PRKCZ: variants seen among roughly 807,000 people sequenced by gnomAD.
PRKCZ encodes protein kinase C zeta, also known as protein kinase C zeta type.
A neutral mutation model predicts 79.5 loss-of-function variants in PRKCZ; 33 were observed. That is an observed-to-expected ratio of 0.41 (90% CI 0.31 to 0.55). The LOEUF is 0.55. Ranked by LOEUF, PRKCZ falls within the 20% of genes least tolerant of loss-of-function variation. The probability of loss-of-function intolerance (pLI) is 0.19; values close to 1 mark genes in which losing one functional copy is unlikely to be tolerated. For missense variants in PRKCZ, 578 were observed against 813.5 expected (o/e 0.71, Z 3.52); for synonymous variants, 342 against 320.9 (o/e 1.07, Z -0.70).
chr1:2,169,053 C>T (rs748803315), intron 10 of PRKCZ: 3 of 428,852 alleles, frequency 7.0e-6, no homozygotes, highest in East Asian at 7.2e-5. Context: ...CTTGGAGGGC[C>T]GGTGGACTCC....
At chr1:2,111,965 C>T (rs1669823022) in intron 4 of PRKCZ, 1 of 152,228 alleles carries the variant, frequency 6.6e-6, no homozygotes, top group African/African-American at 2.4e-5. Context: ...TGCCGTGTGC[C>T]AGCCTCCCAG....
chr1:2,095,583 G>C (rs1436712846), intron 4 of PRKCZ, among the ~76,000 whole-genome samples: 2 of 152,056 alleles, frequency 1.3e-5, no homozygotes, highest in African/African-American at 2.4e-5. Flanking sequence ...CGTCAGATGC[G>C]TGCGTCCTGC....
At chr1:2,143,906 G>A (rs1677931713) in intron 5 of PRKCZ, 2 of 292,290 alleles carry the variant, frequency 6.8e-6, no homozygotes, top group Non-Finnish European at 1.3e-5. Flanking sequence ...TGCAAGCCAC[G>A]GGGCCTTGCC....
At chr1:2,144,174 T>C (rs943058071) in intron 5 of PRKCZ, 36 bp from the exon 6 acceptor site, 224 of 1,545,954 alleles carry the variant, frequency 1.4e-4, no homozygotes, top group South Asian at 2.3e-4. Context: ...GGCCCCTCAG[T>C]GTGGCCTGGG....
At chr1:2,071,751 G>A (rs1380779461) in intron 4 of PRKCZ, among the ~76,000 whole-genome samples, 1 of 152,180 alleles carries the variant, frequency 6.6e-6, no homozygotes, top group African/African-American at 2.4e-5. Flanking sequence ...ACTGGACCAG[G>A]ATAAATGCGT....
intron 9 of PRKCZ, among the ~76,000 whole-genome samples, chr1:2,153,110 G>A (rs1680231904): frequency 1.3e-5 from 2 of 152,216 alleles, no homozygotes; most frequent in Admixed American, 6.5e-5. Context: ...AACACCACAC[G>A]GGCCTGTTTC....
At chr1:2,136,620 C>A (rs941227548) in intron 5 of PRKCZ, among the ~76,000 whole-genome samples, 3 of 152,098 alleles carry the variant, frequency 2.0e-5, no homozygotes, top group Non-Finnish European at 4.4e-5. Flanking sequence ...GTGCTTAGGG[C>A]AGGTGGGTGT....
At chr1:2,163,443 A>T (rs1245891655) in intron 10 of PRKCZ, among the ~76,000 whole-genome samples, 3 of 152,210 alleles carry the variant, frequency 2.0e-5, no homozygotes, top group African/African-American at 7.2e-5. Flanking sequence ...CCTGGCAATG[A>T]TACATACAGC....
chr1:2,103,523 C>T (rs2139063), intron 4 of PRKCZ, among the ~76,000 whole-genome samples: 18,620 of 152,202 alleles, frequency 0.12, 3,651 homozygotes, highest in African/African-American at 0.41. Flanking sequence ...CAAAGAAGCC[C>T]TCCAAGCTCC....
intron 4 of PRKCZ, among the ~76,000 whole-genome samples, chr1:2,063,693 G>A (rs367652561): frequency 1.2e-4 from 18 of 152,266 alleles, no homozygotes; most frequent in African/African-American, 2.9e-4. Flanking sequence ...GTGCACGAGC[G>A]CCACTGTCTC....
At chr1:2,180,451 C>G (rs1346014740) in intron 16 of PRKCZ, among the ~76,000 whole-genome samples, 1 of 151,482 alleles carries the variant, frequency 6.6e-6, no homozygotes, top group Non-Finnish European at 1.5e-5. Flanking sequence ...CCACAGATGA[C>G]TCAGATGCAC....
chr1:2,081,837 T>G (rs1663591188), intron 4 of PRKCZ, among the ~76,000 whole-genome samples: 1 of 141,062 alleles, frequency 7.1e-6, no homozygotes. Flanking sequence ...CCCCCCAGCA[T>G]CCCCTTCCTG....
chr1:2,109,574 G>T (rs1669299759), intron 4 of PRKCZ, among the ~76,000 whole-genome samples: 1 of 152,246 alleles, frequency 6.6e-6, no homozygotes, highest in Non-Finnish European at 1.5e-5. Flanking sequence ...GTGGGCGGAG[G>T]GGGTCACACG....
chr1:2,104,795 C>T (rs1668094592), intron 4 of PRKCZ: 17 of 985,698 alleles, frequency 1.7e-5, no homozygotes, highest in African/African-American at 5.2e-5. Context: ...GGGCCGAGCA[C>T]GAAAGGGAGA....
chr1:2,170,130 C>T (rs996214403), intron 11 of PRKCZ, among the ~76,000 whole-genome samples: 7 of 152,116 alleles, frequency 4.6e-5, no homozygotes, highest in Non-Finnish European at 1.0e-4. Context: ...CACAGCATGG[C>T]CAGCATTTCC....
In PRKCZ at chr1:2,174,324, A is replaced by G. The variant is rs914365950; in HGVS notation, c.1405+308A>G. Among the ~76,000 whole-genome samples the G allele has an allele frequency of 6.6e-5, 10 of 152,156 alleles. No homozygotes were observed. Among genetic ancestry groups the G allele is most frequent in the African/African-American group, 2.4e-4 (10 of 41,444 alleles). ...CTTGACCGAGGCTGTACCGAGCTGA[A>G]AGCACAGCCCCCACCCCCAAAACCC... On this transcript the variant is annotated intron_variant, in intron 14 of 17. Transcript: ENST00000378567. The surrounding 1 kb of genome is among the most constrained non-coding windows in gnomAD (Gnocchi z 6.2).
chr1:2,051,711 C>A (rs530169038), intron 1 of PRKCZ, among the ~76,000 whole-genome samples: 1 of 152,254 alleles, frequency 6.6e-6, no homozygotes, highest in East Asian at 1.9e-4. Context: ...CACGTCCTCT[C>A]AGGACAGTGC....
intron 9 of PRKCZ, among the ~76,000 whole-genome samples, chr1:2,155,655 AATG>A (rs35331014): frequency 1.3e-5 from 2 of 148,242 alleles, no homozygotes; most frequent in Non-Finnish European, 3.0e-5. Context: ...TGACAGCAAC[AATG>A]ATGGTGGTGG....
intron 5 of PRKCZ, 86 bp downstream of exon 5, chr1:2,135,433 T>C: frequency 7.7e-7 from 1 of 1,290,584 alleles, no homozygotes; most frequent in African/African-American, 1.5e-5. Flanking sequence ...CACGTCCCGC[T>C]GAGCCCAGGC....
Sources: gnomAD v4.1 joint callset for allele counts (sites outside exome capture counted in the v4.1 genomes callset) on GRCh38, gnomAD v4.1.1 for gene constraint, Gnocchi (gnomAD v3.1) non-coding constraint, MANE v1.5 for transcripts, NCBI Gene and HGNC (gene_info 2026-07-23, HGNC 2026-07-21) for gene names.